The following ARHGAP29 variants were observed in gnomAD, a reference collection of about 807,000 sequenced individuals.
ARHGAP29 encodes the protein rho GTPase-activating protein 29.
In ARHGAP29, 43 loss-of-function variants were observed where a neutral mutation model predicts 122.6. The observed-to-expected ratio is 0.35, with a 90% CI of 0.27 to 0.45. The LOEUF (loss-of-function observed/expected upper bound fraction) is 0.45, where lower values mean the gene tolerates loss of function less well. Among genes scored for constraint, ARHGAP29 ranks in the 20% least tolerant of loss-of-function variants. The pLI, the probability that ARHGAP29 is intolerant of heterozygous loss-of-function variation, is 1.00. For synonymous variants in ARHGAP29, 506 were observed against 497.1 expected, an observed-to-expected ratio of 1.02 and a Z score of -0.24; for missense variants, 1,303 against 1,477.2, an observed-to-expected ratio of 0.88 and a Z score of 1.93.
Position 94,202,955 on chromosome 1 carries a change from T to C in ARHGAP29, c.917A>G (p.Glu306Gly), listed in dbSNP as rs1449971217. Reference sequence around the variant, plus strand: ...CTCCTGTTTCCAAAGCTCTTTTATTTCTTTCCTTTGTTTTTCCATTTCATT... The same window carrying C: ...CTCCTGTTTCCAAAGCTCTTTTATTCCTTTCCTTTGTTTTTCCATTTCATT... ...RKNEMEKQRK[E>G]IKELWKQEQN... The change falls in exon 10 of 23, where the codon GAA becomes GGA. Residue 306 changes from glutamate (E) to glycine (G), a missense_variant. Glu to Gly is a moderately conservative substitution (Grantham distance 98). Coordinates refer to ENST00000260526, the MANE Select transcript of ARHGAP29 (RefSeq NM_004815.4). 5.0e-6 allele frequency: 8 copies of C among 1,609,782 alleles called. No homozygotes were observed. Among genetic ancestry groups the C allele is most frequent in the Non-Finnish European group, 6.8e-6 (8 of 1,179,082 alleles).
chr1:94,202,911 T>C lies in ARHGAP29; in HGVS notation c.954+7A>G, dbSNP rs1212595006. 6.3e-7 allele frequency: 1 copy of C among 1,597,064 alleles called. No homozygotes were observed. Among genetic ancestry groups the C allele is most frequent in the East Asian group, 2.2e-5 (1 of 44,786 alleles). ...ATAGGTACATGAAACTCCATTTTAA[T>C]ACTAACCATTTTATTTTGCTCCTGT... On this transcript the variant is annotated splice_region_variant and intron_variant, in intron 10 of 22. Coordinates refer to ENST00000260526, the MANE Select transcript of ARHGAP29 (RefSeq NM_004815.4).
chr1:94,243,944 C>A lies in ARHGAP29; in HGVS notation c.-32-12301G>T, dbSNP rs570562255. 8.6e-5 allele frequency among the ~76,000 whole-genome samples: 13 copies of A among 151,942 alleles called. No homozygotes were observed. In the East Asian group the frequency reaches 1.9e-3, roughly 23 times the overall value. ...ACAACTCAGATGAAATGGAAAAATT[C>A]TTTGAAAGACACAGATTACTAACCC... On this transcript the variant is annotated intron_variant and NMD_transcript_variant, in intron 1 of 25. Transcript: ENST00000552844.
intron 12 of ARHGAP29, chr1:94,192,669 CTG>C (rs1650195163): frequency 6.6e-6 from 1 of 152,024 alleles, no homozygotes; most frequent in African/African-American, 2.4e-5. Flanking sequence ...TCTGAAATTT[CTG>C]TTACTTTTTT....
At chr1:94,196,251 TTTTTC>T (rs1650448046) in intron 12 of ARHGAP29, among the ~76,000 whole-genome samples, 2 of 85,000 alleles carry the variant, frequency 2.4e-5, no homozygotes, top group African/African-American at 8.6e-5. Context: ...TTTTTCCGTG[TTTTTC>T]TTTTTTTTTT....
chr1:94,199,322 A>G (rs553803804), intron 12 of ARHGAP29, among the ~76,000 whole-genome samples: 12 of 152,258 alleles, frequency 7.9e-5, no homozygotes, highest in Non-Finnish European at 1.6e-4. Flanking sequence ...ACTGATTTTT[A>G]CCAAGATGCA....
chr1:94,194,842 T>C (rs188998663), intron 12 of ARHGAP29: 1 of 152,386 alleles, frequency 6.6e-6, no homozygotes, highest in African/African-American at 2.4e-5. Flanking sequence ...AAAACCATTA[T>C]GTTTTGATAT....
chr1:94,203,123 G>A lies in ARHGAP29; in HGVS notation c.850C>T (p.Leu284Phe). 1 of 1,613,082 alleles carries A rather than the reference G, an allele frequency of 6.2e-7. No individual in the cohort carries two copies. Residue 284 changes from leucine to phenylalanine, a missense_variant, in exon 9 of 23, where the codon CTC (leucine) becomes TTC (phenylalanine). By Grantham distance (22) the Leu-to-Phe change is conservative. Coordinates refer to ENST00000260526, the MANE Select transcript of ARHGAP29 (RefSeq NM_004815.4). Reference protein sequence around the residue: ...SHLLQQTIAALQANKFVQPLL... With the variant: ...SHLLQQTIAAFQANKFVQPLL... ...ACCTGCACAAATTTGTTAGCCTGGA[G>A]AGCTGCAATTGTTTGTTGTAAAAGG...
At chr1:94,187,930 T>C (rs1363491354) in intron 15 of ARHGAP29, among the ~76,000 whole-genome samples, 1 of 152,146 alleles carries the variant, frequency 6.6e-6, no homozygotes, top group East Asian at 1.9e-4. Context: ...AATAGTTTCC[T>C]AAATTTAAAT....
intron 1 of ARHGAP29, among the ~76,000 whole-genome samples, chr1:94,264,813 T>C (rs970099748): frequency 6.6e-6 from 1 of 152,190 alleles, no homozygotes. Context: ...AGTCGTTGCT[T>C]TGACTTTGGC....
the ARHGAP29 span, among the ~76,000 whole-genome samples, chr1:94,294,284 G>A: frequency 1.6e-3 from 244 of 149,354 alleles, 1 homozygote; most frequent in African/African-American, 5.4e-3. Context: ...ACACACACAC[G>A]CGCATATATT....
chr1:94,183,865 GT>G (rs1649629251), intron 19 of ARHGAP29, among the ~76,000 whole-genome samples: 1 of 152,154 alleles, frequency 6.6e-6, no homozygotes, highest in Non-Finnish European at 1.5e-5. Flanking sequence ...GACCTCCTTG[GT>G]GGAGTTAGGG....
chr1:94,228,873 T>C (rs1171462526), intron 2 of ARHGAP29, among the ~76,000 whole-genome samples: 1 of 151,870 alleles, frequency 6.6e-6, no homozygotes, highest in Admixed American at 6.6e-5. Context: ...ATAAAGGTAT[T>C]AACAGATAAA....
chr1:94,306,888 T>A, the ARHGAP29 span, among the ~76,000 whole-genome samples: 1 of 152,214 alleles, frequency 6.6e-6, no homozygotes, highest in African/African-American at 2.4e-5. Context: ...ACACACAAGA[T>A]AAATTATTTA....
At chr1:94,302,274 C>T in the ARHGAP29 span, 2 of 243,610 alleles carry the variant, frequency 8.2e-6, no homozygotes, top group South Asian at 5.1e-5. Context: ...CCACCAAAAT[C>T]ACACAGGGTG....
In ARHGAP29 at chr1:94,272,010, G is replaced by A. The variant is rs115476908; in HGVS notation, c.-33+3002C>T. Among the ~76,000 whole-genome samples the A allele has an allele frequency of 2.4e-3, 373 of 152,276 alleles. 1 individual carries two copies. The highest frequency in any genetic ancestry group is 8.7e-3 in the African/African-American group (360 of 41,562). ...GCTTTTAGACAATGGGGGCAGGGAT[G>A]AGCCCAGGTTATCCACTTGGGGACC... is the stretch of plus-strand genomic sequence containing the variant. On this transcript the variant is annotated intron_variant and NMD_transcript_variant, in intron 1 of 25. Coordinates refer to the ARHGAP29 transcript ENST00000552844.
rs1650868412 is a variant in ARHGAP29 at position 94,201,800 on chromosome 1, T to A, written c.1201A>T (p.Asn401Tyr). 1 of 1,613,660 alleles carries A rather than the reference T, an allele frequency of 6.2e-7. No individual in the cohort carries two copies. Among genetic ancestry groups the A allele is most frequent in the African/African-American group, 1.3e-5 (1 of 74,924 alleles). The change falls in exon 12 of 23, where the codon AAT (asparagine) becomes TAT (tyrosine). Residue 401 changes from asparagine (N) to tyrosine (Y), a missense_variant. By Grantham distance (143) the Asn-to-Tyr change is moderately radical. Transcript: ENST00000260526. Reference sequence around the variant, plus strand: ...TCTCTTTTGGTATTTTCTAGATCATTTCTTCTTTCTTCAACATTTGTCACA... The same window carrying A: ...TCTCTTTTGGTATTTTCTAGATCATATCTTCTTTCTTCAACATTTGTCACA... ...VCVTNVEERR[N>Y]DLENTKREIL...
the ARHGAP29 span, among the ~76,000 whole-genome samples, chr1:94,304,685 G>T: frequency 6.6e-6 from 1 of 152,202 alleles, no homozygotes; most frequent in East Asian, 1.9e-4. Flanking sequence ...TTAGTGTTTT[G>T]CATTGAGTAG....
intron 12 of ARHGAP29, chr1:94,193,077 C>T (rs1650222381): frequency 6.6e-6 from 1 of 151,838 alleles, no homozygotes; most frequent in Non-Finnish European, 1.5e-5. Flanking sequence ...CATGGAAAAA[C>T]AGAAGAAGTC....
Position 94,177,607 on chromosome 1 carries a change from C to T in ARHGAP29, c.2905+5G>A. 6.3e-7 allele frequency: 1 copy of T among 1,588,022 alleles called. No individual in the cohort carries two copies. The highest frequency in any genetic ancestry group is 1.8e-5 in the Admixed American group (1 of 56,308). On this transcript the variant is annotated splice_donor_5th_base_variant and intron_variant, in intron 22 of 22. Coordinates refer to ENST00000260526, the MANE Select transcript of ARHGAP29 (RefSeq NM_004815.4). ...AACATATTTTTTTTTTACATGGCTA[C>T]TCACCACTGAGACATGCATCACATT...
Sources: gnomAD v4.1 joint callset for allele counts (sites outside exome capture counted in the v4.1 genomes callset) on GRCh38, gnomAD v4.1.1 for gene constraint, MANE v1.5 for transcripts, NCBI Gene and HGNC (gene_info 2026-07-23, HGNC 2026-07-21) for gene names.